NRCAM: variants seen among roughly 807,000 people sequenced by gnomAD.
NRCAM encodes the protein NgCAM-related cell adhesion molecule.
In NRCAM, 83 loss-of-function variants were observed where a neutral mutation model predicts 156.5. The observed-to-expected ratio is 0.53, with a 90% CI of 0.44 to 0.64. The LOEUF (loss-of-function observed/expected upper bound fraction) is 0.64, where lower values mean the gene tolerates loss of function less well. NRCAM is among the 30% of genes least tolerant of loss of function. NRCAM has a pLI of 0.00. For synonymous variants in NRCAM, 538 were observed against 563.9 expected (o/e 0.95, Z 0.65); for missense variants, 1,417 against 1,597.3 (o/e 0.89, Z 1.92).
At chr7:108,246,284 A>C (rs1056479873) in intron 3 of NRCAM, among the ~76,000 whole-genome samples, 2 of 151,962 alleles carry the variant, frequency 1.3e-5, no homozygotes, top group Non-Finnish European at 2.9e-5. Flanking sequence ...CCAAGGCAAA[A>C]AGAATCAGGG....
intron 13 of NRCAM, among the ~76,000 whole-genome samples, chr7:108,199,279 C>T (rs1028310249): frequency 2.6e-5 from 4 of 152,000 alleles, no homozygotes; most frequent in Non-Finnish European, 4.4e-5. Flanking sequence ...GTTTATTAAC[C>T]CACTGTAATA....
chr7:108,207,995 C>T (rs2082042683), intron 12 of NRCAM, among the ~76,000 whole-genome samples: 1 of 152,004 alleles, frequency 6.6e-6, no homozygotes, highest in Admixed American at 6.6e-5. Context: ...GGCTAAGAAA[C>T]ACAAATTTAA....
intron 11 of NRCAM, 44 bp from the exon 12 acceptor site, chr7:108,209,649 C>T (rs190530238): frequency 2.2e-6 from 3 of 1,374,802 alleles, no homozygotes; most frequent in East Asian, 2.5e-5. Context: ...AAGGAATCCA[C>T]CTATGACTAC....
chr7:108,448,378 A>T (rs1167424369), intron 1 of NRCAM, among the ~76,000 whole-genome samples: 1 of 152,252 alleles, frequency 6.6e-6, no homozygotes. Flanking sequence ...CTAAATATAC[A>T]TTTACAAAAA....
chr7:108,201,175 G>GT (rs1554553549), intron 13 of NRCAM, among the ~76,000 whole-genome samples: 1 of 106,676 alleles, frequency 9.4e-6, no homozygotes, highest in African/African-American at 4.0e-5. Context: ...TTTAAGGTCG[G>GT]TAAAAAAAAA....
chr7:108,296,911 A>G (rs527785098), intron 3 of NRCAM, among the ~76,000 whole-genome samples: 1 of 152,366 alleles, frequency 6.6e-6, no homozygotes, highest in South Asian at 2.1e-4. Flanking sequence ...TGACAGAATT[A>G]TTAATGTTAT....
chr7:108,165,378 T>A (rs1221428831), intron 30 of NRCAM, among the ~76,000 whole-genome samples: 1 of 152,192 alleles, frequency 6.6e-6, no homozygotes, highest in Non-Finnish European at 1.5e-5. Flanking sequence ...GGTGCCTACA[T>A]CATAGGATTG....
chr7:108,231,197 A>C, intron 7 of NRCAM, 44 bp from the exon 8 acceptor site: 1 of 1,460,384 alleles, frequency 6.8e-7, no homozygotes, highest in Non-Finnish European at 9.2e-7. Context: ...CTGCATTGAA[A>C]AGTACAAAAA....
chr7:108,167,057 T>C lies in NRCAM; in HGVS notation c.3330A>G (p.Arg1110=). The part of the protein sequence containing the change: ...YGVAGSKEEW[R]KEIVNGSRSF... ...TCCGAGAACCATTTACAATTTCTTT[T>C]CTCCATTCTTCTTTGCCTATGGAAA... Residue 1110 remains arginine (R), a synonymous_variant, in exon 30 of 33, where the codon AGA becomes AGG. Transcript: ENST00000379028. 1 of 1,613,306 alleles carries C rather than the reference T, an allele frequency of 6.2e-7. No homozygotes were observed. Among genetic ancestry groups the C allele is most frequent in the Non-Finnish European group, 8.5e-7 (1 of 1,179,514 alleles).
chr7:108,279,581 C>T (rs190223387), intron 3 of NRCAM, among the ~76,000 whole-genome samples: 150 of 151,832 alleles, frequency 9.9e-4, no homozygotes, highest in Non-Finnish European at 1.8e-3. Context: ...TGCAGTGGTG[C>T]GATAATAGCT....
chr7:108,299,128 A>C (rs1473843620), intron 3 of NRCAM, among the ~76,000 whole-genome samples: 1 of 109,592 alleles, frequency 9.1e-6, no homozygotes, highest in African/African-American at 3.4e-5. Context: ...GAAAGAAAGA[A>C]AGAAAGAAAG....
chr7:108,159,611 T>C, intron 31 of NRCAM, 70 bp from the exon 32 acceptor site: 1 of 1,160,708 alleles, frequency 8.6e-7, no homozygotes, highest in Non-Finnish European at 1.3e-6. Context: ...CATGAAAGCA[T>C]TCTTTGAGAT....
At chr7:108,342,543 G>A (rs2080489) in intron 2 of NRCAM, among the ~76,000 whole-genome samples, 43,745 of 152,128 alleles carry the variant, frequency 0.29, 6,805 homozygotes, top group East Asian at 0.56. Context: ...AAGCAGAAGC[G>A]GCTTTCCAGG....
chr7:108,345,500 C>T (rs1416982620), intron 2 of NRCAM, among the ~76,000 whole-genome samples: 3 of 152,108 alleles, frequency 2.0e-5, no homozygotes, highest in Non-Finnish European at 4.4e-5. Context: ...CTCTTTGTGT[C>T]CTCCCCCCAC....
chr7:108,154,078 AC>A (rs1388726220), intron 32 of NRCAM, among the ~76,000 whole-genome samples: 1 of 152,162 alleles, frequency 6.6e-6, no homozygotes, highest in African/African-American at 2.4e-5. Context: ...TCTATGATGT[AC>A]AAATAAATGA....
intron 15 of NRCAM, among the ~76,000 whole-genome samples, chr7:108,195,002 G>C (rs910963413): frequency 2.0e-4 from 30 of 152,198 alleles, no homozygotes; most frequent in Admixed American, 2.0e-3. Flanking sequence ...CTGGATCCAA[G>C]TCAGGAAGAC....
At chr7:108,161,344 AT>A (rs1292179361) in intron 30 of NRCAM, among the ~76,000 whole-genome samples, 1 of 152,230 alleles carries the variant, frequency 6.6e-6, no homozygotes, top group African/African-American at 2.4e-5. Flanking sequence ...ATCAGTCATA[AT>A]ATGCAAAATT....
chr7:108,350,188 G>C (rs544466263), intron 2 of NRCAM, among the ~76,000 whole-genome samples: 114 of 152,126 alleles, frequency 7.5e-4, no homozygotes, highest in Non-Finnish European at 1.5e-3. Context: ...CTGAAATGGC[G>C]TTCCTGCTTT....
intron 17 of NRCAM, among the ~76,000 whole-genome samples, chr7:108,192,705 T>C (rs2072744199): frequency 6.6e-6 from 1 of 152,178 alleles, no homozygotes; most frequent in Non-Finnish European, 1.5e-5. Context: ...TCTATCAAAG[T>C]ATATATTTTA....
Sources: allele counts gnomAD v4.1 joint callset (sites outside exome capture counted in the v4.1 genomes callset), GRCh38; gene constraint gnomAD v4.1.1; transcripts MANE v1.5; gene names NCBI Gene and HGNC (gene_info 2026-07-23, HGNC 2026-07-21).